FHAD1: variants seen among roughly 807,000 people sequenced by gnomAD.
FHAD1 encodes the protein forkhead-associated domain-containing protein 1.
Under a neutral mutation model 191.3 loss-of-function variants are expected in FHAD1, and 146 were observed. The observed-to-expected ratio is 0.76, with a 90% CI of 0.67 to 0.88. The LOEUF is 0.88. FHAD1 is among the 40% of genes least tolerant of loss of function. The pLI, the probability that FHAD1 is intolerant of heterozygous loss-of-function variation, is 0.00. For synonymous variants in FHAD1, 616 were observed against 672.3 expected (o/e 0.92, Z 1.29); for missense variants, 1,635 against 1,785.8 (o/e 0.92, Z 1.52).
chr1:15,240,671 A>T (rs989119378), intron 1 of FHAD1, among the ~76,000 whole-genome samples: 1 of 149,204 alleles, frequency 6.7e-6, no homozygotes, highest in African/African-American at 2.5e-5. Flanking sequence ...AAAAGAAAGC[A>T]GATCGGGCCG....
Position 15,329,212 on chromosome 1 carries a change from A to G in FHAD1, c.1711-134A>G. 1 of 629,406 alleles carries G rather than the reference A, an allele frequency of 1.6e-6. No homozygotes were observed. Among genetic ancestry groups the G allele is most frequent in the East Asian group, 2.9e-5 (1 of 34,806 alleles). 39.0% of individuals were successfully genotyped at this position (629,406 alleles called of 1,614,324 possible). ...AAAATTTTAAAAAAGAAAAAAACTGAGTCCTCCCAAGGCGGCCAATACGTG... is the reference window on the plus strand; with the variant it reads ...AAAATTTTAAAAAAGAAAAAAACTGGGTCCTCCCAAGGCGGCCAATACGTG... On this transcript the variant is annotated intron_variant, in intron 13 of 33. Transcript: ENST00000688493. The surrounding 1 kb of genome is among the most constrained non-coding windows in gnomAD (Gnocchi z 5.0).
chr1:15,315,999 G>A (rs1674313017), intron 8 of FHAD1, among the ~76,000 whole-genome samples: 1 of 152,238 alleles, frequency 6.6e-6, no homozygotes, highest in African/African-American at 2.4e-5. Context: ...CCAGGGCAGT[G>A]GTGTCTTGGA....
intron 3 of FHAD1, among the ~76,000 whole-genome samples, chr1:15,280,917 C>T (rs2100258507): frequency 6.6e-6 from 1 of 152,334 alleles, no homozygotes; most frequent in African/African-American, 2.4e-5. Flanking sequence ...CCCTAACCCA[C>T]CTGGCCAAAA....
chr1:15,286,751 T>C (rs777095645), intron 3 of FHAD1, among the ~76,000 whole-genome samples: 1 of 152,014 alleles, frequency 6.6e-6, no homozygotes, highest in African/African-American at 2.4e-5. Context: ...ACCCACAATC[T>C]CCAAAAGATG....
intron 1 of FHAD1, among the ~76,000 whole-genome samples, chr1:15,250,993 C>A (rs956824256): frequency 1.3e-5 from 2 of 152,058 alleles, no homozygotes; most frequent in African/African-American, 4.8e-5. Flanking sequence ...TATATTATTG[C>A]ATTTAACCCA....
Position 15,360,538 on chromosome 1 carries a change from C to G in FHAD1, c.2797C>G (p.Gln933Glu). The G allele has an allele frequency of 7.7e-6, 12 of 1,551,828 alleles. No individual in the cohort carries two copies. Among genetic ancestry groups the G allele is most frequent in the Non-Finnish European group, 1.0e-5 (12 of 1,146,978 alleles). ...GATGGTAAAGGCCCTCCAGGATGAG[C>G]AGGAATCACAGAGACACGGGTTTGA... Reference protein sequence around the residue: ...QKMVKALQDEQESQRHGFEEE... With the variant: ...QKMVKALQDEEESQRHGFEEE... The change falls in exon 22 of 34, where the codon CAG (glutamine) becomes GAG (glutamate). Residue 933 changes from glutamine to glutamate, a missense_variant. By Grantham distance (29) the Gln-to-Glu change is conservative (BLOSUM62 2). Coordinates refer to ENST00000688493, the MANE Select transcript of FHAD1 (RefSeq NM_001391957.1).
At chr1:15,368,146 G>C (rs61605981) in intron 25 of FHAD1, among the ~76,000 whole-genome samples, 8 of 152,050 alleles carry the variant, frequency 5.3e-5, no homozygotes, top group African/African-American at 1.9e-4. Context: ...TAATTTTTTT[G>C]TATTTTTAGT....
intron 21 of FHAD1, among the ~76,000 whole-genome samples, chr1:15,358,577 G>T (rs1207642776): frequency 1.3e-5 from 2 of 152,238 alleles, no homozygotes; most frequent in African/African-American, 2.4e-5. Context: ...CGTTGGTTTA[G>T]AACGAAATGT....
At chr1:15,357,774 C>A (rs552478069) in intron 20 of FHAD1, 1 of 191,200 alleles carries the variant, frequency 5.2e-6, no homozygotes, top group East Asian at 1.5e-4. Context: ...GCACATTCAT[C>A]TTGGAGAACA....
chr1:15,333,399 G>C (rs574665902), intron 14 of FHAD1, among the ~76,000 whole-genome samples: 7 of 152,200 alleles, frequency 4.6e-5, no homozygotes, highest in African/African-American at 1.4e-4. Context: ...GGTGATTATG[G>C]TGACGATGAT....
chr1:15,319,434 AATTT>A (rs1390544818), intron 10 of FHAD1, among the ~76,000 whole-genome samples: 1 of 152,188 alleles, frequency 6.6e-6, no homozygotes, highest in African/African-American at 2.4e-5. Context: ...TACAAAGTAA[AATTT>A]ATTTATCAAT....
At chr1:15,251,589 G>T (rs1646783080) in intron 1 of FHAD1, among the ~76,000 whole-genome samples, 182 bp from the exon 2 acceptor site, 1 of 152,166 alleles carries the variant, frequency 6.6e-6, no homozygotes, top group South Asian at 2.1e-4. Context: ...AGAAGAGATT[G>T]TCTTAAAAAC....
intron 23 of FHAD1, chr1:15,363,596 C>T (rs1159831999): frequency 5.8e-6 from 2 of 345,698 alleles, no homozygotes; most frequent in East Asian, 1.6e-4. Flanking sequence ...GAGGCAAGCC[C>T]ACTCACAGGT....
At position 15,289,740 on chromosome 1, in the gene FHAD1, C is replaced by T. The variant is rs917380288; in HGVS notation, c.568+74C>T. ...GTGGATGGGTCTTGGTTTTGGTTTA[C>T]TTTCTGATTCTAAAAGTAGAACATA... On this transcript the variant is annotated intron_variant, in intron 4 of 33. Transcript: ENST00000688493. The surrounding 1 kb of genome is among the most constrained non-coding windows in gnomAD (Gnocchi z 4.2). 1.4e-6 allele frequency: 2 copies of T among 1,453,054 alleles called. No homozygotes were observed. Among genetic ancestry groups the T allele is most frequent in the East Asian group, 5.0e-5 (2 of 39,846 alleles). 90.0% of individuals were successfully genotyped at this position (1,453,054 alleles called of 1,614,324 possible).
At chr1:15,307,171 C>T (rs1259601250) in intron 6 of FHAD1, among the ~76,000 whole-genome samples, 2 of 152,178 alleles carry the variant, frequency 1.3e-5, no homozygotes, top group Non-Finnish European at 2.9e-5. Context: ...AGTTTGACTG[C>T]CCTGCTGGAT....
intron 19 of FHAD1, among the ~76,000 whole-genome samples, chr1:15,352,116 C>T (rs1005617991): frequency 2.6e-5 from 4 of 152,104 alleles, no homozygotes; most frequent in Admixed American, 1.3e-4. Context: ...ATCCCAATTC[C>T]CCCCAAAAAA....
chr1:15,395,703 C>T (rs576453808), intron 33 of FHAD1, among the ~76,000 whole-genome samples: 2 of 152,332 alleles, frequency 1.3e-5, no homozygotes, highest in Admixed American at 6.5e-5. Context: ...TCACTTTCTC[C>T]TTCTAAGCCA....
At chr1:15,348,961 T>C in intron 18 of FHAD1, 81 bp from the exon 19 acceptor site, 1 of 887,860 alleles carries the variant, frequency 1.1e-6, no homozygotes, top group South Asian at 1.6e-5. Context: ...TTACTATTAT[T>C]ATTATTATTA....
In FHAD1 at chr1:15,370,611, C is replaced by T. The variant is rs564584090; in HGVS notation, c.3447+1109C>T. Among the ~76,000 whole-genome samples the T allele has an allele frequency of 7.2e-5, 11 of 152,326 alleles. No homozygotes were observed. In the East Asian group the frequency reaches 2.1e-3, roughly 29 times the overall value. ...CATGGCTGTGTCTTGGTAGCTGTTC[C>T]ATGCACCTGCCCAGAAGCATCTGAT... On this transcript the variant is annotated intron_variant, in intron 26 of 33. Transcript: ENST00000688493.
Sources: gnomAD v4.1 joint callset for allele counts (sites outside exome capture counted in the v4.1 genomes callset) on GRCh38, gnomAD v4.1.1 for gene constraint, Gnocchi (gnomAD v3.1) non-coding constraint, MANE v1.5 for transcripts, NCBI Gene and HGNC (gene_info 2026-07-23, HGNC 2026-07-21) for gene names.